The following MAN1A2 variants were observed in gnomAD, a reference collection of about 807,000 sequenced individuals.
The protein encoded by MAN1A2 is mannosyl-oligosaccharide 1,2-alpha-mannosidase IB.
Under a neutral mutation model 75.7 loss-of-function variants are expected in MAN1A2, and 26 were observed. The observed-to-expected ratio is 0.34, with a 90% CI of 0.25 to 0.48. The LOEUF (loss-of-function observed/expected upper bound fraction) is 0.48, where lower values mean the gene tolerates loss of function less well. Ranked by LOEUF, MAN1A2 falls within the 20% of genes least tolerant of loss-of-function variation. The pLI is 0.99. For synonymous variants in MAN1A2, 247 were observed against 264.6 expected (o/e 0.93, Z 0.65); for missense variants, 562 against 775.5 (o/e 0.72, Z 3.27).
At chr1:117,466,214 C>G in intron 7 of MAN1A2, 120 bp from the exon 8 acceptor site, 1 of 605,668 alleles carries the variant, frequency 1.7e-6, no homozygotes, top group Middle Eastern at 3.8e-4. Flanking sequence ...CTCCAACACA[C>G]ACACAAAGGC....
intron 1 of MAN1A2, among the ~76,000 whole-genome samples, chr1:117,377,966 G>A (rs1449277025): frequency 6.6e-6 from 1 of 152,136 alleles, no homozygotes; most frequent in Non-Finnish European, 1.5e-5. Flanking sequence ...GCCAGGCGTG[G>A]TGGTGGGCAC....
chr1:117,482,986 T>A (rs1254628636), intron 8 of MAN1A2, among the ~76,000 whole-genome samples: 1 of 152,146 alleles, frequency 6.6e-6, no homozygotes, highest in Non-Finnish European at 1.5e-5. Flanking sequence ...GCACCATTTA[T>A]TAAATAGGGA....
chr1:117,426,017 G>A (rs571736795), intron 5 of MAN1A2, among the ~76,000 whole-genome samples: 1 of 152,012 alleles, frequency 6.6e-6, no homozygotes, highest in South Asian at 2.1e-4. Flanking sequence ...AGGTCTATTG[G>A]TAGTGAGTTC....
In MAN1A2 at chr1:117,514,841, T is replaced by G. The variant is rs12022785; in HGVS notation, c.1794-7984T>G. 649 of 533,050 alleles carry G rather than the reference T, an allele frequency of 1.2e-3. 6 individuals are homozygous for G. The East Asian group carries it at 0.029, about 24-fold the overall frequency. 33.0% of individuals were successfully genotyped at this position (533,050 alleles called of 1,614,324 possible). A position where few individuals can be genotyped will look rare whatever the true frequency, so the allele number is the denominator to read the frequency against. ...ATCTTTTATCTTGTCTGCAACTGGA[T>G]CTTGAAGTTAGCCTCCTACCATGAG... On this transcript the variant is annotated intron_variant, in intron 12 of 12. Transcript: ENST00000356554.
At chr1:117,382,748 A>C (rs1311705423) in intron 1 of MAN1A2, among the ~76,000 whole-genome samples, 1 of 152,134 alleles carries the variant, frequency 6.6e-6, no homozygotes, top group Admixed American at 6.5e-5. Flanking sequence ...TGGGGATGGC[A>C]TTGAATCTAT....
intron 7 of MAN1A2, among the ~76,000 whole-genome samples, chr1:117,461,152 A>T (rs1156432090): frequency 6.6e-6 from 1 of 152,232 alleles, no homozygotes; most frequent in African/African-American, 2.4e-5. Flanking sequence ...GTAATAGAAC[A>T]AAAGTATATA....
At chr1:117,490,955 T>C (rs987027900) in intron 8 of MAN1A2, among the ~76,000 whole-genome samples, 1 of 151,996 alleles carries the variant, frequency 6.6e-6, no homozygotes, top group Non-Finnish European at 1.5e-5. Context: ...CTGTGAATGC[T>C]AAGAGAGGTG....
chr1:117,434,880 A>T (rs1315026846), intron 5 of MAN1A2, among the ~76,000 whole-genome samples: 1 of 152,010 alleles, frequency 6.6e-6, no homozygotes, highest in Middle Eastern at 3.4e-3. Context: ...GAGATGAGAG[A>T]TATAAATGAT....
intron 3 of MAN1A2, among the ~76,000 whole-genome samples, chr1:117,412,590 T>C (rs940896829): frequency 6.6e-6 from 1 of 151,860 alleles, no homozygotes; most frequent in African/African-American, 2.4e-5. Flanking sequence ...CTAGTATAAA[T>C]ATTTTAAGTG....
At chr1:117,469,931 A>G (rs979179781) in intron 8 of MAN1A2, among the ~76,000 whole-genome samples, 2 of 152,170 alleles carry the variant, frequency 1.3e-5, no homozygotes, top group Admixed American at 6.6e-5. Context: ...AGTTAAACAT[A>G]GAATTACCAT....
At chr1:117,405,497 A>T (rs1320161928) in intron 2 of MAN1A2, 52 bp from the exon 3 acceptor site, 2 of 1,137,728 alleles carry the variant, frequency 1.8e-6, no homozygotes. Flanking sequence ...TGAAATAAAA[A>T]AACAGTTTGT....
In MAN1A2 at chr1:117,524,366, TG is replaced by T. The variant is rs1312733103; in HGVS notation, c.*1410del. 6.6e-6 allele frequency: 1 copy of T among 152,016 alleles called. No individual in the cohort carries two copies. The highest frequency in any genetic ancestry group is 2.4e-5 in the African/African-American group (1 of 41,426). The allele number at this position is 152,016 out of a possible 1,614,324, so 9.4% of individuals were successfully genotyped here. A position where few individuals can be genotyped will look rare whatever the true frequency, so the allele number is the denominator to read the frequency against. ...AAATATCTAGTGCTTATAAATTTTC[TG>T]TCCTTAAATTTATGTGACAGTGCAA... On this transcript the variant is annotated 3_prime_UTR_variant, in exon 13 of 13. Transcript: ENST00000356554.
Position 117,510,243 on chromosome 1 carries a change from A to C in MAN1A2, c.1793+7273A>C, listed in dbSNP as rs142692755. On this transcript the variant is annotated intron_variant, in intron 12 of 12. Coordinates refer to ENST00000356554, the MANE Select transcript of MAN1A2 (RefSeq NM_006699.5). ...TAGAAGTAAAATGGATGACTAGGGC[A>C]GTGGCATGTGCATTTGACATAACTA... is the stretch of plus-strand genomic sequence containing the variant. Among the ~76,000 whole-genome samples, 9 of 152,128 alleles carry C rather than the reference A, an allele frequency of 5.9e-5. No individual in the cohort carries two copies. The East Asian group carries it at 1.5e-3, about 26-fold the overall frequency.
At chr1:117,490,625 G>C (rs754159129) in intron 8 of MAN1A2, among the ~76,000 whole-genome samples, 8 of 151,894 alleles carry the variant, frequency 5.3e-5, no homozygotes, top group Non-Finnish European at 7.4e-5. Context: ...AATATTCCAA[G>C]TAAAAGAGTC....
intron 6 of MAN1A2, among the ~76,000 whole-genome samples, chr1:117,456,944 A>C (rs528628358): frequency 6.6e-6 from 1 of 152,174 alleles, no homozygotes; most frequent in South Asian, 2.1e-4. Context: ...AAGCTTACAC[A>C]TTGAGTGTTT....
At chr1:117,369,596 G>A (rs941816387) in intron 1 of MAN1A2, among the ~76,000 whole-genome samples, 2 of 152,140 alleles carry the variant, frequency 1.3e-5, no homozygotes, top group African/African-American at 4.8e-5. Context: ...TTCATTACTT[G>A]TGTGATGGTT....
chr1:117,409,986 T>A (rs555130235), intron 3 of MAN1A2, among the ~76,000 whole-genome samples: 1 of 152,072 alleles, frequency 6.6e-6, no homozygotes, highest in East Asian at 1.9e-4. Context: ...CCAAGTCTCT[T>A]TTATAAAATA....
intron 4 of MAN1A2, among the ~76,000 whole-genome samples, chr1:117,416,282 T>C (rs566149080): frequency 6.6e-6 from 1 of 152,158 alleles, no homozygotes; most frequent in Non-Finnish European, 1.5e-5. Context: ...TACTAAACTA[T>C]CTTAACTACA....
intron 10 of MAN1A2, among the ~76,000 whole-genome samples, chr1:117,497,932 C>T (rs1382518163): frequency 6.6e-6 from 1 of 151,830 alleles, no homozygotes; most frequent in Non-Finnish European, 1.5e-5. Context: ...GTTAATTTAT[C>T]ATCAGATACC....
Sources: allele counts gnomAD v4.1 joint callset (sites outside exome capture counted in the v4.1 genomes callset), GRCh38; gene constraint gnomAD v4.1.1; transcripts MANE v1.5; gene names NCBI Gene and HGNC (gene_info 2026-07-23, HGNC 2026-07-21).